Variants in CDH12 observed in about 807,000 individuals in gnomAD.
The protein encoded by CDH12 is cadherin 12, also known as cadherin-12.
Under a neutral mutation model 74.1 loss-of-function variants are expected in CDH12, and 41 were observed. That is an observed-to-expected ratio of 0.55 (90% CI 0.43 to 0.72). The LOEUF is 0.72. CDH12 is among the 30% of genes least tolerant of loss of function. The pLI is 0.00. For missense variants in CDH12, 945 were observed against 977.2 expected (o/e 0.97, Z 0.44); for synonymous variants, 399 against 355.0 (o/e 1.12, Z -1.39).
chr5:22,423,744 G>A (rs1263977728), intron 2 of CDH12, among the ~76,000 whole-genome samples: 3 of 151,990 alleles, frequency 2.0e-5, no homozygotes, highest in Non-Finnish European at 4.4e-5. Flanking sequence ...CGGCTCAAGC[G>A]TGTAATCCCA....
intron 3 of CDH12, among the ~76,000 whole-genome samples, chr5:22,264,638 T>C (rs928166062): frequency 6.6e-6 from 1 of 152,134 alleles, no homozygotes; most frequent in African/African-American, 2.4e-5. Context: ...ATCACAAAAG[T>C]CTTCATCATT....
chr5:22,393,168 A>G (rs1197934456), intron 3 of CDH12, among the ~76,000 whole-genome samples: 4 of 152,192 alleles, frequency 2.6e-5, no homozygotes, highest in Non-Finnish European at 5.9e-5. Context: ...ATCCAATGAC[A>G]TGTCCTTCCA....
At chr5:21,893,334 A>C (rs1752977322) in intron 6 of CDH12, among the ~76,000 whole-genome samples, 1 of 152,220 alleles carries the variant, frequency 6.6e-6, no homozygotes, top group African/African-American at 2.4e-5. Flanking sequence ...CAATAAAAGG[A>C]AAATTCAAGG....
chr5:22,663,933 C>T (rs1481355117), intron 1 of CDH12, among the ~76,000 whole-genome samples: 1 of 151,714 alleles, frequency 6.6e-6, no homozygotes, highest in Non-Finnish European at 1.5e-5. Context: ...TTTCACATGG[C>T]TTTATGAACT....
chr5:22,240,467 T>C (rs1377570998), intron 3 of CDH12, among the ~76,000 whole-genome samples: 9 of 152,186 alleles, frequency 5.9e-5, no homozygotes, highest in Admixed American at 5.2e-4. Flanking sequence ...ACAAGATTGC[T>C]GAAGAATGTA....
intron 5 of CDH12, among the ~76,000 whole-genome samples, chr5:22,074,194 G>C (rs913602686): frequency 1.3e-5 from 2 of 152,042 alleles, no homozygotes; most frequent in Non-Finnish European, 2.9e-5. Flanking sequence ...ACAAATCTGA[G>C]AAAAACAAGA....
At chr5:21,810,556 A>G (rs1463428365) in intron 9 of CDH12, among the ~76,000 whole-genome samples, 1 of 152,158 alleles carries the variant, frequency 6.6e-6, no homozygotes, top group Non-Finnish European at 1.5e-5. Flanking sequence ...TCAGCTTTAG[A>G]CAGTGAATTT....
intron 1 of CDH12, among the ~76,000 whole-genome samples, chr5:22,678,973 G>C (rs771653901): frequency 6.6e-6 from 1 of 151,958 alleles, no homozygotes; most frequent in Non-Finnish European, 1.5e-5. Context: ...CTAAGAAATC[G>C]ATATGTTCCT....
Position 21,929,866 on chromosome 5 carries a change from T to A in CDH12, c.526+45225A>T, listed in dbSNP as rs144368460. 3.8e-3 allele frequency among the ~76,000 whole-genome samples: 574 copies of A among 152,176 alleles called. 8 individuals carry two copies. Among genetic ancestry groups the A allele is most frequent in the African/African-American group, 0.013 (543 of 41,524 alleles). On this transcript the variant is annotated intron_variant, in intron 6 of 14. Transcript: ENST00000382254. ...AAAACTGAACAATTTCCTACAGATA[T>A]ATGTCCTCCTGGGCAAAGATGACAG...
rs536443272 is a variant in CDH12, at chr5:22,518,511, A to G, written c.-522-13147T>C. On this transcript the variant is annotated intron_variant, in intron 1 of 14. Coordinates refer to ENST00000382254, the MANE Select transcript of CDH12 (RefSeq NM_004061.5). ...GATAATGATAACCACAAATGCAATT[A>G]TTTACCAAGTTAGATCAAAAAATGA... Among the ~76,000 whole-genome samples the G allele has an allele frequency of 2.6e-5, 4 of 152,314 alleles. No homozygotes were observed. In the South Asian group the frequency reaches 8.3e-4, roughly 32 times the overall value.
chr5:21,965,522 C>T (rs1020909539), intron 6 of CDH12, among the ~76,000 whole-genome samples: 14 of 151,610 alleles, frequency 9.2e-5, no homozygotes, highest in African/African-American at 3.4e-4. Flanking sequence ...CGTTGTGTGC[C>T]TTTGCCAATT....
chr5:22,478,757 A>G lies in CDH12; in HGVS notation c.-428+26513T>C, dbSNP rs145341712. On this transcript the variant is annotated intron_variant, in intron 2 of 14. Transcript: ENST00000382254. Reference sequence around the variant, plus strand: ...TTAAAATCGCAAAGTGCTTCCATTTACTCACATAATTAAACCCTCTATATC... The same window carrying G: ...TTAAAATCGCAAAGTGCTTCCATTTGCTCACATAATTAAACCCTCTATATC... Among the ~76,000 whole-genome samples the G allele has an allele frequency of 1.5e-4, 23 of 152,078 alleles. No homozygotes were observed. The East Asian group carries it at 4.3e-3, about 28-fold the overall frequency.
At chr5:21,792,601 T>G (rs1322515632) in intron 10 of CDH12, among the ~76,000 whole-genome samples, 1 of 29,654 alleles carries the variant, frequency 3.4e-5, no homozygotes, top group African/African-American at 5.7e-5. Flanking sequence ...CTCTGCCCTT[T>G]TTTTTTTTTT....
At chr5:22,444,926 A>C (rs1744765970) in intron 2 of CDH12, among the ~76,000 whole-genome samples, 1 of 152,052 alleles carries the variant, frequency 6.6e-6, no homozygotes, top group Non-Finnish European at 1.5e-5. Flanking sequence ...CATGTTCTCC[A>C]GAAGACATAT....
At chr5:22,637,675 G>T (rs1403670762) in intron 1 of CDH12, among the ~76,000 whole-genome samples, 1 of 152,186 alleles carries the variant, frequency 6.6e-6, no homozygotes, top group African/African-American at 2.4e-5. Flanking sequence ...TGACAAACTG[G>T]TGTGTTTTCC....
At chr5:21,956,993 T>C (rs1756131182) in intron 6 of CDH12, among the ~76,000 whole-genome samples, 1 of 152,040 alleles carries the variant, frequency 6.6e-6, no homozygotes, top group Admixed American at 6.6e-5. Context: ...CCAGGGTTTG[T>C]TGTACAGATC....
Position 21,935,384 on chromosome 5 carries a change from G to A in CDH12, c.526+39707C>T, listed in dbSNP as rs550342537. 3.7e-4 allele frequency among the ~76,000 whole-genome samples: 57 copies of A among 152,232 alleles called. 2 individuals are homozygous for A. The East Asian group carries it at 0.011, about 28-fold the overall frequency. ...TAAGCTCTACATACCTCAAAGCATA[G>A]CCAAGGAAGAAATGATTCTTGTCTA... On this transcript the variant is annotated intron_variant, in intron 6 of 14. Coordinates refer to ENST00000382254, the MANE Select transcript of CDH12 (RefSeq NM_004061.5).
chr5:21,922,942 C>CTA (rs1314387752), intron 6 of CDH12, among the ~76,000 whole-genome samples: 3 of 135,502 alleles, frequency 2.2e-5, no homozygotes, highest in Non-Finnish European at 3.1e-5. Context: ...GTATGTGTAT[C>CTA]TATATCTATA....
chr5:22,594,880 T>A (rs1657277720), intron 1 of CDH12, among the ~76,000 whole-genome samples: 1 of 152,200 alleles, frequency 6.6e-6, no homozygotes, highest in Non-Finnish European at 1.5e-5. Flanking sequence ...TGTATGCTTC[T>A]ATTAGCCTTC....
Sources: allele counts gnomAD v4.1 joint callset (sites outside exome capture counted in the v4.1 genomes callset), GRCh38; gene constraint gnomAD v4.1.1; transcripts MANE v1.5; gene names NCBI Gene and HGNC (gene_info 2026-07-23, HGNC 2026-07-21).